DST: variants seen among roughly 807,000 people sequenced by gnomAD.
DST encodes dystonin.
A neutral mutation model predicts 875.2 loss-of-function variants in DST; 253 were observed. That is an observed-to-expected ratio of 0.29 (90% confidence interval 0.26 to 0.32). The LOEUF (loss-of-function observed/expected upper bound fraction) is 0.32, where lower values mean the gene tolerates loss of function less well. Among genes scored for constraint, DST ranks in the 10% least tolerant of loss-of-function variants. The pLI is 1.00. For missense variants in DST, 8,287 were observed against 9,111.6 expected, an observed-to-expected ratio of 0.91 and a Z score of 3.68; for synonymous variants, 3,124 against 3,197.1, an observed-to-expected ratio of 0.98 and a Z score of 0.77.
At chr6:56,907,903 G>A (rs1401334648) in intron 2 of DST, among the ~76,000 whole-genome samples, 1 of 152,076 alleles carries the variant, frequency 6.6e-6, no homozygotes, top group African/African-American at 2.4e-5. Context: ...TGGGCAACAT[G>A]GTCAAACTCC....
At chr6:56,660,228 T>C (rs180699092) in intron 10 of DST, among the ~76,000 whole-genome samples, 15 of 152,304 alleles carry the variant, frequency 9.8e-5, no homozygotes, top group Admixed American at 8.5e-4. Flanking sequence ...TGTGGGGACA[T>C]GCACAGACAA....
chr6:56,846,254 C>G (rs1232570778), intron 4 of DST, among the ~76,000 whole-genome samples: 1 of 152,150 alleles, frequency 6.6e-6, no homozygotes, highest in Non-Finnish European at 1.5e-5. Flanking sequence ...TATTTAATCA[C>G]CACAACCATG....
chr6:56,672,227 G>A (rs2099105204), intron 9 of DST, among the ~76,000 whole-genome samples: 1 of 152,130 alleles, frequency 6.6e-6, no homozygotes, highest in African/African-American at 2.4e-5. Context: ...GCCAGGCCTC[G>A]CAGCCCCTGA....
At chr6:56,573,631 T>A in intron 51 of DST, 48 bp downstream of exon 51, 1 of 1,410,770 alleles carries the variant, frequency 7.1e-7, no homozygotes, top group South Asian at 1.2e-5. Context: ...CTTATAAAAC[T>A]GTTTTTTTAA....
chr6:56,589,142 A>G (rs2098222094), intron 49 of DST, among the ~76,000 whole-genome samples: 1 of 152,240 alleles, frequency 6.6e-6, no homozygotes, highest in African/African-American at 2.4e-5. Flanking sequence ...ACAAACATTT[A>G]CTGAATGAAT....
chr6:56,697,677 C>T (rs1211355769), intron 9 of DST, among the ~76,000 whole-genome samples: 1 of 152,172 alleles, frequency 6.6e-6, no homozygotes, highest in Non-Finnish European at 1.5e-5. Context: ...TTTCCATTGC[C>T]CCAGTGATCC....
intron 4 of DST, chr6:56,843,711 G>T: frequency 5.6e-6 from 2 of 357,370 alleles, no homozygotes; most frequent in Non-Finnish European, 7.6e-6. Flanking sequence ...AGGGAGGAGG[G>T]TGGAGGGTGG....
At chr6:56,928,649 A>G (rs1037423521) in intron 2 of DST, among the ~76,000 whole-genome samples, 4 of 152,176 alleles carry the variant, frequency 2.6e-5, no homozygotes, top group Admixed American at 6.5e-5. Flanking sequence ...AATAATCACT[A>G]TTTGCGGATG....
At position 56,526,443 on chromosome 6, in the gene DST, T is replaced by A. The variant is rs1444942164; in HGVS notation, c.18047A>T (p.Asp6016Val). Residue 6016 changes from aspartate (D) to valine (V), a missense_variant, in exon 69 of 104, where the codon GAC becomes GTC. Physicochemically the swap from Asp to Val is radical, Grantham distance 152 (BLOSUM62 -3). Coordinates refer to ENST00000680361, the MANE Select transcript of DST (RefSeq NM_001374736.1). Reference protein sequence around the residue: ...REGLEKMVAEDNERYRLVSDT... With the variant: ...REGLEKMVAEVNERYRLVSDT... ...GCTCACTAATCGGTAGCGCTCATTG[T>A]CCTCAGCTACCATTTTCTCAAGTCC... 1 of 1,613,788 alleles carries A rather than the reference T, an allele frequency of 6.2e-7. No homozygotes were observed. Among genetic ancestry groups the A allele is most frequent in the African/African-American group, 1.3e-5 (1 of 74,924 alleles).
At chr6:56,872,773 T>C (rs75867213) in intron 3 of DST, among the ~76,000 whole-genome samples, 7,514 of 150,908 alleles carry the variant, frequency 0.05, 603 homozygotes, top group African/African-American at 0.17. Flanking sequence ...GATAGAGTAA[T>C]TTAAAAATAA....
chr6:56,928,006 G>C (rs183076510), intron 2 of DST, among the ~76,000 whole-genome samples: 1 of 152,262 alleles, frequency 6.6e-6, no homozygotes, highest in East Asian at 1.9e-4. Flanking sequence ...CCTGTGAGAA[G>C]GGGGCACTGC....
chr6:56,482,249 T>C (rs2095426484), intron 89 of DST, 71 bp from the exon 90 acceptor site: 1 of 1,503,550 alleles, frequency 6.7e-7, no homozygotes, highest in Non-Finnish European at 8.9e-7. Flanking sequence ...TTTACAAAAC[T>C]GTATAGTGGA....
chr6:56,665,762 C>A (rs2099069317), intron 10 of DST, among the ~76,000 whole-genome samples: 1 of 152,180 alleles, frequency 6.6e-6, no homozygotes, highest in Non-Finnish European at 1.5e-5. Flanking sequence ...GTGACAGGAC[C>A]AGTTGTACCC....
intron 63 of DST, among the ~76,000 whole-genome samples, chr6:56,533,995 T>C (rs535753459): frequency 6.6e-6 from 1 of 152,188 alleles, no homozygotes; most frequent in Non-Finnish European, 1.5e-5. Context: ...TGCTTTGATG[T>C]ATGTATACAT....
intron 4 of DST, among the ~76,000 whole-genome samples, chr6:56,740,366 G>C (rs1339295309): frequency 6.6e-6 from 1 of 152,194 alleles, no homozygotes; most frequent in Non-Finnish European, 1.5e-5. Flanking sequence ...CAGAAAGGCA[G>C]TGTGGTAAGC....
At chr6:56,568,244 C>T (rs930033022) in intron 55 of DST, among the ~76,000 whole-genome samples, 1 of 152,192 alleles carries the variant, frequency 6.6e-6, no homozygotes, top group Admixed American at 6.5e-5. Flanking sequence ...AATTTAGCTA[C>T]ATTTTAAATA....
At chr6:56,680,321 T>C (rs1036157687) in intron 9 of DST, among the ~76,000 whole-genome samples, 8 of 152,216 alleles carry the variant, frequency 5.3e-5, no homozygotes, top group Admixed American at 4.6e-4. Context: ...GTTAACATAA[T>C]AGAAGTGATG....
chr6:56,819,954 A>G (rs1450063204), intron 4 of DST, among the ~76,000 whole-genome samples: 1 of 152,246 alleles, frequency 6.6e-6, no homozygotes, highest in Non-Finnish European at 1.5e-5. Context: ...AATCCAAACA[A>G]TTATTGAAAC....
At chr6:56,774,637 C>T (rs1410069598) in intron 4 of DST, among the ~76,000 whole-genome samples, 2 of 152,136 alleles carry the variant, frequency 1.3e-5, no homozygotes, top group African/African-American at 4.8e-5. Flanking sequence ...TCACTTCAAA[C>T]CATAATTACA....
Sources: allele counts gnomAD v4.1 joint callset (sites outside exome capture counted in the v4.1 genomes callset), GRCh38; gene constraint gnomAD v4.1.1; transcripts MANE v1.5; gene names NCBI Gene and HGNC (gene_info 2026-07-23, HGNC 2026-07-21).